The following DYNC2I1 variants were observed in gnomAD, a reference collection of about 807,000 sequenced individuals.
DYNC2I1 encodes the protein cytoplasmic dynein 2 intermediate chain 1.
A neutral mutation model predicts 133.4 loss-of-function variants in DYNC2I1; 89 were observed. That is an observed-to-expected ratio of 0.67 (90% confidence interval 0.56 to 0.80). The LOEUF (loss-of-function observed/expected upper bound fraction) is 0.80. Among genes scored for constraint, DYNC2I1 ranks in the 30% least tolerant of loss-of-function variants. The pLI, the probability that DYNC2I1 is intolerant of heterozygous loss-of-function variation, is 0.00. For synonymous variants in DYNC2I1, 504 were observed against 484.3 expected (o/e 1.04, Z -0.54); for missense variants, 1,291 against 1,314.5 (o/e 0.98, Z 0.28).
Position 158,945,696 on chromosome 7 carries a change from G to A in DYNC2I1, c.3118G>A (p.Ala1040Thr), listed in dbSNP as rs539815300. Residue 1040 changes from alanine (A) to threonine (T), a missense_variant, in exon 25 of 25, where the codon GCG (alanine) becomes ACG (threonine). Coordinates refer to ENST00000407559, the MANE Select transcript of DYNC2I1 (RefSeq NM_018051.5). This position sits in a 1 kb window ranked among gnomAD's most constrained non-coding sequence, Gnocchi z 4.1. ...IDIQHLKRRWAAPEVDECNRL... is the reference protein window; with the variant it reads ...IDIQHLKRRWTAPEVDECNRL... ...CATCCAGCACCTGAAGAGGCGGTGG[G>A]CGGCCCCGGAGGTGGACGAGTGCAA... is the stretch of plus-strand genomic sequence containing the variant. 1.9e-4 allele frequency: 306 copies of A among 1,611,978 alleles called. No homozygotes were observed. Among genetic ancestry groups the A allele is most frequent in the Non-Finnish European group, 4.2e-5 (50 of 1,179,202 alleles).
At chr7:158,905,967 A>G (rs1846765630) in intron 10 of DYNC2I1, 22 bp from the exon 11 acceptor site, 4 of 1,588,010 alleles carry the variant, frequency 2.5e-6, no homozygotes, top group Non-Finnish European at 3.4e-6. Context: ...TTGGAAAAAT[A>G]GTGTTTTTCT....
chr7:158,883,659 T>C (rs954932775), intron 5 of DYNC2I1, among the ~76,000 whole-genome samples: 28 of 49,504 alleles, frequency 5.7e-4, no homozygotes, highest in Admixed American at 5.3e-3. Flanking sequence ...CAGTGACTTC[T>C]TTTTTTTTTT....
At chr7:158,886,784 T>C (rs1469895921) in intron 6 of DYNC2I1, among the ~76,000 whole-genome samples, 3 of 151,942 alleles carry the variant, frequency 2.0e-5, no homozygotes, top group Admixed American at 6.6e-5. Context: ...TTTATTTTTG[T>C]AGAGATGGGG....
chr7:158,914,455 GTAT>G (rs1193655516), intron 14 of DYNC2I1, 134 bp downstream of exon 14: 1 of 708,628 alleles, frequency 1.4e-6, no homozygotes, highest in African/African-American at 1.8e-5. Context: ...TCATTTTCAA[GTAT>G]TATTTTCTTA....
At chr7:158,955,742 G>A (rs1364894743) in intron 4 of DYNC2I1, among the ~76,000 whole-genome samples, 1 of 152,220 alleles carries the variant, frequency 6.6e-6, no homozygotes, top group East Asian at 1.9e-4. Flanking sequence ...CCCACACGCT[G>A]CTTTTTAATG....
chr7:158,857,566 T>C (rs1359007249), intron 1 of DYNC2I1, among the ~76,000 whole-genome samples: 3 of 141,870 alleles, frequency 2.1e-5, no homozygotes, highest in African/African-American at 8.2e-5. Context: ...TGAGATGGAG[T>C]CTCACTCTGT....
upstream of DYNC2I1, among the ~76,000 whole-genome samples, chr7:158,854,787 A>G (rs576520356): frequency 1.5e-4 from 23 of 152,360 alleles, no homozygotes; most frequent in South Asian, 4.6e-3. Flanking sequence ...TTTCACTGTC[A>G]TAATTTTCTC....
At position 158,926,308 on chromosome 7, in the gene DYNC2I1, A is replaced by G. The variant is rs1849614344; in HGVS notation, c.2371+8A>G. 2 of 1,608,274 alleles carry G rather than the reference A, an allele frequency of 1.2e-6. No individual in the cohort carries two copies. The highest frequency in any genetic ancestry group is 1.7e-5 in the Admixed American group (1 of 59,060). On this transcript the variant is annotated splice_region_variant and intron_variant, in intron 18 of 24. Transcript: ENST00000407559. ...CCTTTTCTACTCAAGAAGGTACGTG[A>G]TTCTTCACTTTCTTAAAATCCTTCA...
chr7:158,916,365 T>TCTACA (rs1848292229), intron 14 of DYNC2I1, among the ~76,000 whole-genome samples: 2 of 91,530 alleles, frequency 2.2e-5, no homozygotes, highest in Non-Finnish European at 5.0e-5. Context: ...TTGTGAAACG[T>TCTACA]CGACACGCTG....
chr7:158,935,751 A>G lies in DYNC2I1; in HGVS notation c.2778+1202A>G, dbSNP rs113508715. On this transcript the variant is annotated intron_variant, in intron 23 of 24. Coordinates refer to ENST00000407559, the MANE Select transcript of DYNC2I1 (RefSeq NM_018051.5). ...AATACACACCAAATTTTGAAGAATT[A>G]GTGTGAATAAAAGAATGTAAAATGT... 4.6e-3 allele frequency among the ~76,000 whole-genome samples: 698 copies of G among 152,344 alleles called. 11 individuals are homozygous for G. Among genetic ancestry groups the G allele is most frequent in the African/African-American group, 0.015 (640 of 41,582 alleles).
At chr7:158,864,120 T>TG (rs376341294) in intron 1 of DYNC2I1, among the ~76,000 whole-genome samples, 2,677 of 25,770 alleles carry the variant, frequency 0.1, 110 homozygotes, top group African/African-American at 0.27. Flanking sequence ...GCTCCGGGTG[T>TG]GGGGGGGGGA....
At chr7:158,894,971 A>G (rs1845628492) in intron 8 of DYNC2I1, among the ~76,000 whole-genome samples, 1 of 152,084 alleles carries the variant, frequency 6.6e-6, no homozygotes, top group Non-Finnish European at 1.5e-5. Flanking sequence ...TATCTTGTTT[A>G]GTGGAGTGGG....
downstream of DYNC2I1, among the ~76,000 whole-genome samples, chr7:158,946,864 G>A (rs995183916): frequency 6.6e-6 from 1 of 152,182 alleles, no homozygotes; most frequent in Non-Finnish European, 1.5e-5. Flanking sequence ...TCTCACTGGG[G>A]CACAAGATCA....
At chr7:158,861,679 G>A (rs975878905) in intron 1 of DYNC2I1, among the ~76,000 whole-genome samples, 26 of 152,164 alleles carry the variant, frequency 1.7e-4, no homozygotes, top group African/African-American at 1.9e-4. Flanking sequence ...CATGCATACC[G>A]AAAACACAGG....
chr7:158,949,571 G>T (rs556013606), downstream of DYNC2I1, among the ~76,000 whole-genome samples: 2 of 152,180 alleles, frequency 1.3e-5, no homozygotes, highest in Admixed American at 1.3e-4. Flanking sequence ...ACGAATCATC[G>T]CACAGCAGCA....
At chr7:158,897,226 C>T (rs984653023) in intron 8 of DYNC2I1, among the ~76,000 whole-genome samples, 1 of 151,504 alleles carries the variant, frequency 6.6e-6, no homozygotes, top group Non-Finnish European at 1.5e-5. Context: ...TCAGGTAATT[C>T]ACCCATCTCA....
intron 13 of DYNC2I1, 32 bp from the exon 14 acceptor site, chr7:158,914,195 GTCGACT>G (rs765592442): frequency 2.6e-5 from 40 of 1,540,752 alleles, no homozygotes; most frequent in Non-Finnish European, 3.4e-5. Flanking sequence ...TTATTTTAGA[GTCGACT>G]TCGTTGATTT....
the DYNC2I1 span, among the ~76,000 whole-genome samples, chr7:158,845,971 C>G: frequency 1.3e-5 from 2 of 152,090 alleles, no homozygotes; most frequent in African/African-American, 4.8e-5. Context: ...ACATATAAAA[C>G]CACGTAGGCT....
chr7:158,922,082 G>A (rs867459246), intron 15 of DYNC2I1, among the ~76,000 whole-genome samples: 1 of 152,156 alleles, frequency 6.6e-6, no homozygotes. Context: ...CTGAGATCCC[G>A]ACTCCCGGCT....
Sources: allele counts gnomAD v4.1 joint callset (sites outside exome capture counted in the v4.1 genomes callset), GRCh38; gene constraint gnomAD v4.1.1; non-coding constraint Gnocchi (gnomAD v3.1); transcripts MANE v1.5; gene names NCBI Gene and HGNC (gene_info 2026-07-23, HGNC 2026-07-21).